The following PRDM16 variants were observed in gnomAD, a reference collection of about 807,000 sequenced individuals.
PRDM16 encodes the protein PR/SET domain 16.
A neutral mutation model predicts 110.6 loss-of-function variants in PRDM16; 23 were observed. The observed-to-expected ratio is 0.21, with a 90% CI of 0.15 to 0.29. PRDM16 has a LOEUF of 0.29. Among genes scored for constraint, PRDM16 ranks in the 10% least tolerant of loss-of-function variants. The pLI is 1.00. For missense variants in PRDM16, 1,615 were observed against 1,794.3 expected, an observed-to-expected ratio of 0.90 and a Z score of 1.81; for synonymous variants, 799 against 781.8, an observed-to-expected ratio of 1.02 and a Z score of -0.37.
At chr1:3,101,307 G>T (rs867235968) in intron 1 of PRDM16, among the ~76,000 whole-genome samples, 2 of 152,202 alleles carry the variant, frequency 1.3e-5, no homozygotes, top group Non-Finnish European at 2.9e-5. Context: ...TGAGGGCCGC[G>T]AGGCAGTGCA....
chr1:3,343,372 A>G (rs1642306742), intron 3 of PRDM16, among the ~76,000 whole-genome samples: 1 of 151,404 alleles, frequency 6.6e-6, no homozygotes, highest in South Asian at 2.1e-4. Context: ...CCTAGATACA[A>G]GTCCTTAGTC....
chr1:3,130,611 C>T (rs1472594179), intron 1 of PRDM16, among the ~76,000 whole-genome samples: 3 of 152,144 alleles, frequency 2.0e-5, no homozygotes, highest in African/African-American at 4.8e-5. Flanking sequence ...ATGCTTCATG[C>T]GCCCCACGCA....
intron 2 of PRDM16, among the ~76,000 whole-genome samples, chr1:3,224,442 ACT>A (rs1335608074): frequency 6.8e-6 from 1 of 146,936 alleles, no homozygotes; most frequent in Non-Finnish European, 1.5e-5. Flanking sequence ...TCCAATTGCC[ACT>A]CTCTCTCCCT....
chr1:3,082,220 AG>A (rs1642046376), intron 1 of PRDM16, among the ~76,000 whole-genome samples: 1 of 152,202 alleles, frequency 6.6e-6, no homozygotes, highest in Admixed American at 6.5e-5. Context: ...GGCCCTCTGC[AG>A]TCAGGTCCTG....
At chr1:3,089,120 C>T (rs1023635469) in intron 1 of PRDM16, among the ~76,000 whole-genome samples, 12 of 152,274 alleles carry the variant, frequency 7.9e-5, no homozygotes, top group Admixed American at 2.6e-4. Flanking sequence ...GGTACCTGGC[C>T]CCTTGTCGCC....
At chr1:3,269,588 AGTC>A (rs1204784785) in intron 3 of PRDM16, among the ~76,000 whole-genome samples, 3 of 146,094 alleles carry the variant, frequency 2.1e-5, no homozygotes, top group African/African-American at 7.8e-5. Context: ...GGAGGAGGAC[AGTC>A]GGGAGGAGGA....
intron 3 of PRDM16, among the ~76,000 whole-genome samples, chr1:3,334,915 C>T (rs1490618626): frequency 6.6e-6 from 1 of 152,210 alleles, no homozygotes; most frequent in Non-Finnish European, 1.5e-5. Context: ...CAATGGCCTG[C>T]GCCTTCCGCG....
intron 1 of PRDM16, chr1:3,128,147 G>A (rs533876565): frequency 6.5e-6 from 1 of 154,698 alleles, no homozygotes; most frequent in South Asian, 2.0e-4. Context: ...TGAGTGTTCG[G>A]AAATTGAAGA....
At chr1:3,228,334 C>A (rs1439521904) in intron 2 of PRDM16, among the ~76,000 whole-genome samples, 1 of 152,164 alleles carries the variant, frequency 6.6e-6, no homozygotes, top group African/African-American at 2.4e-5. Context: ...AATCTGCACA[C>A]CCCAGGCAGC....
chr1:3,114,566 G>A (rs1391538694), intron 1 of PRDM16, among the ~76,000 whole-genome samples: 1 of 150,356 alleles, frequency 6.7e-6, no homozygotes, highest in Non-Finnish European at 1.5e-5. Flanking sequence ...GCACAAACAA[G>A]CACACACTTG....
chr1:3,171,081 G>A (rs552894213), intron 1 of PRDM16, among the ~76,000 whole-genome samples: 4 of 152,246 alleles, frequency 2.6e-5, no homozygotes, highest in South Asian at 2.1e-4. Context: ...AGCGCCCCAC[G>A]GAGACCTGCA....
intron 2 of PRDM16, among the ~76,000 whole-genome samples, chr1:3,231,938 A>T (rs1639427248): frequency 6.6e-6 from 1 of 152,196 alleles, no homozygotes. Context: ...AGAGGTGGCC[A>T]GTTTTTCCCA....
intron 1 of PRDM16, among the ~76,000 whole-genome samples, chr1:3,165,164 G>A (rs1557495401): frequency 1.3e-5 from 2 of 152,236 alleles, no homozygotes; most frequent in African/African-American, 2.4e-5. Context: ...GTGGGCTCAG[G>A]AGTGGGGCTT....
Position 3,214,428 on chromosome 1 carries a change from G to A in PRDM16, c.387+27954G>A, listed in dbSNP as rs1429938191. On this transcript the variant is annotated intron_variant, in intron 2 of 16. Coordinates refer to ENST00000270722, the MANE Select transcript of PRDM16 (RefSeq NM_022114.4). ...CTCCAAGCCCTTGGTCAGGTGCGGT[G>A]GCTCACATCTGTCATCCCAGCACTT... Among the ~76,000 whole-genome samples, 4 of 152,202 alleles carry A rather than the reference G, an allele frequency of 2.6e-5. No homozygotes were observed. The East Asian group carries it at 7.7e-4, about 29-fold the overall frequency.
chr1:3,289,826 C>T (rs772064368), intron 3 of PRDM16, among the ~76,000 whole-genome samples: 1 of 152,122 alleles, frequency 6.6e-6, no homozygotes, highest in African/African-American at 2.4e-5. Context: ...GCCGGGGCCC[C>T]GCTCCCACCC....
At chr1:3,159,938 T>A (rs1011813535) in intron 1 of PRDM16, among the ~76,000 whole-genome samples, 8 of 152,190 alleles carry the variant, frequency 5.3e-5, no homozygotes, top group African/African-American at 1.9e-4. Context: ...TATAAGCATG[T>A]CCCAAATATT....
chr1:3,136,853 T>C (rs1352744099), intron 1 of PRDM16, among the ~76,000 whole-genome samples: 1 of 152,206 alleles, frequency 6.6e-6, no homozygotes, highest in East Asian at 1.9e-4. Context: ...GGGTCCGGGA[T>C]GCTGGGAACT....
rs538880639 is a variant in PRDM16 at position 3,417,957 on chromosome 1, G to A, written c.2821G>A (p.Asp941Asn). The change falls in exon 11 of 17, where the codon GAC becomes AAC. Residue 941 changes from aspartate to asparagine, a missense_variant. This residue lies in a region of PRDM16 where 772 missense variants were observed against 748.3 expected (regional missense o/e 1.03). Coordinates refer to ENST00000270722, the MANE Select transcript of PRDM16 (RefSeq NM_022114.4). ...CCGGTCCCCACCCCCAACGCTCTCC[G>A]ACCCCATCCTCAGGAAGGGCAAGGA... ...NFRSPPPTLSDPILRKGKERY... is the reference protein window; with the variant it reads ...NFRSPPPTLSNPILRKGKERY... 2.0e-5 allele frequency: 28 copies of A among 1,416,154 alleles called. No homozygotes were observed. In the Admixed American group the frequency reaches 3.4e-4, roughly 17 times the overall value. The allele number at this position is 1,416,154 out of a possible 1,614,324, so 87.7% of individuals were successfully genotyped here.
chr1:3,377,728 G>A (rs762474188), intron 3 of PRDM16, among the ~76,000 whole-genome samples: 5 of 152,204 alleles, frequency 3.3e-5, no homozygotes, highest in South Asian at 2.1e-4. Context: ...GGCCATGGTG[G>A]CCTCCAGATC....
Sources: allele counts gnomAD v4.1 joint callset (sites outside exome capture counted in the v4.1 genomes callset), GRCh38; gene constraint gnomAD v4.1.1; regional missense constraint gnomAD v4.1.1; transcripts MANE v1.5; gene names NCBI Gene and HGNC (gene_info 2026-07-23, HGNC 2026-07-21).